Variants in SNTG1 observed in about 807,000 individuals in gnomAD.
SNTG1 encodes syntrophin gamma 1.
In SNTG1, 39 loss-of-function variants were observed where a neutral mutation model predicts 74.7. The observed-to-expected ratio is 0.52, with a 90% confidence interval of 0.40 to 0.68. SNTG1 has a LOEUF of 0.68. Among genes scored for constraint, SNTG1 ranks in the 30% least tolerant of loss-of-function variants. The pLI is 0.00. For missense variants in SNTG1, 685 were observed against 609.5 expected (o/e 1.12, Z -1.30); for synonymous variants, 254 against 217.1 (o/e 1.17, Z -1.49).
intron 15 of SNTG1, among the ~76,000 whole-genome samples, chr8:50,695,063 T>C (rs192756662): frequency 1.3e-5 from 2 of 152,046 alleles, no homozygotes; most frequent in Admixed American, 6.5e-5. Context: ...GTATTCATTA[T>C]AGTGTTGAAG....
chr8:50,736,924 G>A (rs1330322604), intron 17 of SNTG1, among the ~76,000 whole-genome samples: 2 of 152,082 alleles, frequency 1.3e-5, no homozygotes, highest in Non-Finnish European at 2.9e-5. Context: ...TGTTTAGAGG[G>A]AAATTTATAG....
At chr8:50,080,278 G>A (rs930927929) in intron 1 of SNTG1, among the ~76,000 whole-genome samples, 3 of 151,962 alleles carry the variant, frequency 2.0e-5, no homozygotes, top group African/African-American at 7.2e-5. Context: ...GATAAAACTA[G>A]GCAAATTCTC....
intron 13 of SNTG1, among the ~76,000 whole-genome samples, chr8:50,643,074 G>T (rs1252957527): frequency 6.6e-6 from 1 of 152,048 alleles, no homozygotes; most frequent in African/African-American, 2.4e-5. Context: ...AAACAACCTT[G>T]GGTTTTACTC....
intron 4 of SNTG1, among the ~76,000 whole-genome samples, chr8:50,430,838 A>G (rs2093226494): frequency 6.6e-6 from 1 of 152,220 alleles, no homozygotes; most frequent in African/African-American, 2.4e-5. Flanking sequence ...TAAAGCAGAA[A>G]TCAAAATACA....
chr8:50,240,504 T>G (rs1288427789), intron 2 of SNTG1, among the ~76,000 whole-genome samples: 1 of 152,220 alleles, frequency 6.6e-6, no homozygotes, highest in Non-Finnish European at 1.5e-5. Flanking sequence ...TACTTTTGCT[T>G]TGTGACTTCT....
At chr8:50,595,296 A>G (rs1339148964) in intron 13 of SNTG1, among the ~76,000 whole-genome samples, 3 of 152,008 alleles carry the variant, frequency 2.0e-5, no homozygotes, top group Non-Finnish European at 4.4e-5. Flanking sequence ...GATCTAAAGG[A>G]GAATCCACCT....
chr8:50,715,366 C>T (rs1473743490), intron 17 of SNTG1, among the ~76,000 whole-genome samples: 1 of 152,076 alleles, frequency 6.6e-6, no homozygotes, highest in Non-Finnish European at 1.5e-5. Context: ...AGTCTGATTG[C>T]TTTTATTATT....
rs145284360 is a variant in SNTG1, at chr8:50,758,268, C to T, written c.1395+6157C>T. Among the ~76,000 whole-genome samples, 595 of 151,972 alleles carry T rather than the reference C, an allele frequency of 3.9e-3. 3 individuals are homozygous for T. Among genetic ancestry groups the T allele is most frequent in the African/African-American group, 0.014 (570 of 41,514 alleles). On this transcript the variant is annotated intron_variant, in intron 18 of 18. Transcript: ENST00000642720. ...GCACCTGGTCATGCTTGCCCTATCT[C>T]TGTAAACTGTGATGTCTTTTTTCCG...
chr8:50,698,987 G>A (rs989144923), intron 15 of SNTG1, among the ~76,000 whole-genome samples: 14 of 152,072 alleles, frequency 9.2e-5, no homozygotes, highest in African/African-American at 1.7e-4. Flanking sequence ...GAGTTTCTTC[G>A]TGTGTTACTG....
At chr8:50,530,812 C>T (rs1344687328) in intron 10 of SNTG1, among the ~76,000 whole-genome samples, 2 of 152,068 alleles carry the variant, frequency 1.3e-5, no homozygotes, top group Admixed American at 6.6e-5. Context: ...AATCTTTGTT[C>T]TCTACTTGCA....
chr8:49,973,127 A>G (rs1432902106), intron 1 of SNTG1, among the ~76,000 whole-genome samples: 5 of 152,180 alleles, frequency 3.3e-5, no homozygotes, highest in Non-Finnish European at 7.3e-5. Flanking sequence ...ATGTCCAACA[A>G]TGATAGACTG....
At chr8:50,587,487 T>C (rs2094657998) in intron 12 of SNTG1, among the ~76,000 whole-genome samples, 1 of 152,176 alleles carries the variant, frequency 6.6e-6, no homozygotes, top group Non-Finnish European at 1.5e-5. Flanking sequence ...CCACTTACTT[T>C]ATACTCTCTG....
intron 8 of SNTG1, among the ~76,000 whole-genome samples, chr8:50,477,948 G>A (rs73583491): frequency 1.3e-5 from 2 of 152,048 alleles, no homozygotes; most frequent in Non-Finnish European, 2.9e-5. Flanking sequence ...AAAGTGTTGT[G>A]TATTGATATA....
At chr8:50,776,205 T>C (rs1359189496) in intron 18 of SNTG1, among the ~76,000 whole-genome samples, 2 of 150,838 alleles carry the variant, frequency 1.3e-5, no homozygotes, top group Non-Finnish European at 3.0e-5. Context: ...TTTTTGAATA[T>C]ATGCTTTTAG....
intron 2 of SNTG1, among the ~76,000 whole-genome samples, chr8:50,356,938 C>T (rs1322600691): frequency 6.6e-6 from 1 of 152,218 alleles, no homozygotes; most frequent in Non-Finnish European, 1.5e-5. Context: ...ACTTTTGGGC[C>T]TCAATGAGCT....
chr8:50,749,661 AC>A (rs1235474034), intron 17 of SNTG1, among the ~76,000 whole-genome samples: 1 of 151,902 alleles, frequency 6.6e-6, no homozygotes, highest in African/African-American at 2.4e-5. Context: ...ACATCCTAGG[AC>A]CCTTAAGAAT....
chr8:50,464,809 T>C (rs1170474288), intron 8 of SNTG1, among the ~76,000 whole-genome samples: 1 of 151,992 alleles, frequency 6.6e-6, no homozygotes, highest in African/African-American at 2.4e-5. Flanking sequence ...ACAGATACAA[T>C]AATATCTGTT....
At chr8:49,991,795 A>C (rs1813716329) in intron 1 of SNTG1, among the ~76,000 whole-genome samples, 1 of 152,164 alleles carries the variant, frequency 6.6e-6, no homozygotes. Context: ...GGTTGCCAGC[A>C]TATGGGGTAG....
chr8:50,475,766 A>C (rs1402270536), intron 8 of SNTG1, among the ~76,000 whole-genome samples: 1 of 152,180 alleles, frequency 6.6e-6, no homozygotes. Context: ...GGAAAATCCC[A>C]GAGTGGAAAG....
Sources: allele counts gnomAD v4.1 joint callset (sites outside exome capture counted in the v4.1 genomes callset), GRCh38; gene constraint gnomAD v4.1.1; transcripts MANE v1.5; gene names NCBI Gene and HGNC (gene_info 2026-07-23, HGNC 2026-07-21).